The following VIL1 variants were observed in gnomAD, a reference collection of about 807,000 sequenced individuals.
The protein encoded by VIL1 is villin-1.
A neutral mutation model predicts 104.0 loss-of-function variants in VIL1; 86 were observed. That is an observed-to-expected ratio of 0.83 (90% CI 0.69 to 0.99). VIL1 has a LOEUF of 0.99. Among genes scored for constraint, VIL1 ranks in the 50% least tolerant of loss-of-function variants. The pLI is 0.00. For synonymous variants in VIL1, 394 were observed against 412.6 expected, an observed-to-expected ratio of 0.95 and a Z score of 0.55; for missense variants, 944 against 1,054.1, an observed-to-expected ratio of 0.90 and a Z score of 1.45.
intron 12 of VIL1, 55 bp from the exon 13 acceptor site, chr2:218,432,738 G>C: frequency 6.2e-7 from 1 of 1,604,570 alleles, no homozygotes; most frequent in Non-Finnish European, 8.5e-7. Flanking sequence ...GCTGAGGATG[G>C]GGTCAGAATT....
chr2:218,426,968 T>C (rs1348838931), intron 4 of VIL1, among the ~76,000 whole-genome samples: 1 of 152,214 alleles, frequency 6.6e-6, no homozygotes, highest in African/African-American at 2.4e-5. Flanking sequence ...CAGGCTGGTC[T>C]CATACTCCTG....
intron 14 of VIL1, 130 bp from the exon 15 acceptor site, chr2:218,435,159 G>A (rs1265471104): frequency 1.6e-6 from 2 of 1,225,960 alleles, no homozygotes; most frequent in Non-Finnish European, 1.1e-6. Flanking sequence ...AATTGTCCCT[G>A]TGTGGCCTGT....
chr2:218,435,795 G>A (rs1216665047), intron 15 of VIL1, among the ~76,000 whole-genome samples: 1 of 152,174 alleles, frequency 6.6e-6, no homozygotes, highest in Non-Finnish European at 1.5e-5. Context: ...CACAGGCCTG[G>A]GATGCTGAGG....
chr2:218,449,233 C>T lies in VIL1; in HGVS notation c.2381C>T (p.Ser794Phe). Residue 794 changes from serine to phenylalanine, a missense_variant, in exon 20 of 20, where the codon TCC (serine) becomes TTC (phenylalanine). Physicochemically the swap from Ser to Phe is radical, Grantham distance 155. Coordinates refer to ENST00000248444, the MANE Select transcript of VIL1 (RefSeq NM_007127.3). ...VDPSRKEEHL[S>F]IEDFTQAFGM... ...CCTCTCTTCTTCTAGGAACACCTGT[C>T]CATTGAAGATTTCACTCAGGCCTTT... The T allele has an allele frequency of 1.9e-6, 3 of 1,613,252 alleles. No homozygotes were observed. The highest frequency in any genetic ancestry group is 2.5e-6 in the Non-Finnish European group (3 of 1,179,224).
chr2:218,436,610 TAGATGTCTGGGACCAGG>T lies in VIL1; in HGVS notation c.1956_1971+1del. 2 of 1,614,072 alleles carry T rather than the reference TAGATGTCTGGGACCAGG, an allele frequency of 1.2e-6. No homozygotes were observed. The highest frequency in any genetic ancestry group is 1.7e-6 in the Non-Finnish European group (2 of 1,180,014). ...TTGGAAGAGGATGATGTGTTCCTAC[TAGATGTCTGGGACCAGG>T]TAGGACCAAGGGCCTGGGGACCCCT... On this transcript the variant is annotated splice_donor_variant and coding_sequence_variant, in exon 16 of 20. Transcript: ENST00000248444. LOFTEE classifies it high-confidence loss of function.
chr2:218,449,198 C>T (rs775327469), intron 19 of VIL1, 25 bp from the exon 20 acceptor site: 1 of 1,568,932 alleles, frequency 6.4e-7, no homozygotes, highest in Non-Finnish European at 8.8e-7. Context: ...GTGACCTTTG[C>T]CCTCTGGTCC....
chr2:218,441,384 C>T (rs1441217884), intron 19 of VIL1, among the ~76,000 whole-genome samples: 9 of 147,132 alleles, frequency 6.1e-5, no homozygotes. Flanking sequence ...GTGAGACTGT[C>T]TCAAAAAAAG....
At chr2:218,438,292 C>T (rs1237244032) in intron 17 of VIL1, among the ~76,000 whole-genome samples, 1 of 152,212 alleles carries the variant, frequency 6.6e-6, no homozygotes, top group Non-Finnish European at 1.5e-5. Context: ...GGGACCCCCA[C>T]CCATCCCCAG....
rs1688942024 is a variant in VIL1 at position 218,424,325 on chromosome 2, G to A, written c.124G>A (p.Asp42Asn). The part of the protein sequence containing the change: ...VPSSTFGSFF[D>N]GDCYIILAIH... ...TTCCAGCACCTTTGGAAGCTTCTTC[G>A]ATGGTGACTGCTACATCATCCTGGC... Residue 42 changes from aspartate (D) to asparagine (N), a missense_variant, in exon 3 of 20, where the codon GAT becomes AAT. Transcript: ENST00000248444. 5.6e-6 allele frequency: 9 copies of A among 1,613,814 alleles called. No individual in the cohort carries two copies. Among genetic ancestry groups the A allele is most frequent in the South Asian group, 1.1e-5 (1 of 91,078 alleles).
chr2:218,425,790 GC>G lies in VIL1; in HGVS notation c.327del (p.Tyr110ThrfsTer7). 1.2e-6 allele frequency: 2 copies of G among 1,611,114 alleles called. No individual in the cohort carries two copies. ...GGCAACGAGAGCGAGGCCTTCCGAG[GC>G]TACTTCAAGCAAGGCCTTGTGTAGG... ...VQGNESEAFR[G>X]YFKQGLVIRK... On this transcript the variant is annotated frameshift_variant, in exon 4 of 20. Transcript: ENST00000248444. LOFTEE classifies it high-confidence loss of function.
chr2:218,427,392 C>T (rs1252524895), intron 4 of VIL1, among the ~76,000 whole-genome samples: 2 of 150,316 alleles, frequency 1.3e-5, no homozygotes, highest in Non-Finnish European at 3.0e-5. Context: ...GGTGCGATCT[C>T]GGCTCACTGC....
intron 18 of VIL1, 31 bp from the exon 19 acceptor site, chr2:218,440,691 A>C (rs1689271329): frequency 1.2e-6 from 2 of 1,613,248 alleles, no homozygotes; most frequent in African/African-American, 2.7e-5. Context: ...GCACCAGCTA[A>C]AGTAACCAGT....
intron 3 of VIL1, among the ~76,000 whole-genome samples, chr2:218,424,650 A>T: frequency 6.6e-6 from 1 of 150,884 alleles, no homozygotes; most frequent in Middle Eastern, 3.4e-3. Context: ...ATCCATAGTC[A>T]TCTTCTTTTT....
chr2:218,438,610 C>T (rs754617984), intron 17 of VIL1, 48 bp from the exon 18 acceptor site: 2 of 1,550,650 alleles, frequency 1.3e-6, no homozygotes, highest in South Asian at 2.3e-5. Flanking sequence ...TCTCATCCAT[C>T]TCCTCTGCTG....
chr2:218,440,733 C>T lies in VIL1; in HGVS notation c.2241C>T (p.Ser747=), dbSNP rs145874080. The T allele has an allele frequency of 1.1e-4, 174 of 1,613,908 alleles. No individual in the cohort carries two copies. The highest frequency in any genetic ancestry group is 1.5e-4 in the Non-Finnish European group (173 of 1,179,968). ...DWSQITAEVT[S]PKVDVFNANS... ...CTTTTCTTTCCTAGGAGGTCACAAGCCCCAAAGTGGACGTGTTCAATGCTA... is the reference window on the plus strand; with the variant it reads ...CTTTTCTTTCCTAGGAGGTCACAAGTCCCAAAGTGGACGTGTTCAATGCTA... The change falls in exon 19 of 20, where the codon AGC becomes AGT. Residue 747 remains serine (S), a synonymous_variant. Transcript: ENST00000248444.
In VIL1 at chr2:218,451,985, G is replaced by T. The variant is rs768124017; in HGVS notation, c.*2649G>T. On this transcript the variant is annotated 3_prime_UTR_variant, in exon 20 of 20. Transcript: ENST00000248444. ...CACACACATGTGAATATATCCCTAC[G>T]AAACAGTCTATCTTCTCATAGGCTT... 1 of 152,498 alleles carries T rather than the reference G, an allele frequency of 6.6e-6. No homozygotes were observed. Among genetic ancestry groups the T allele is most frequent in the African/African-American group, 2.4e-5 (1 of 41,390 alleles). 9.4% of individuals were successfully genotyped at this position (152,498 alleles called of 1,614,324 possible).
intron 18 of VIL1, among the ~76,000 whole-genome samples, chr2:218,440,460 C>T (rs891390796): frequency 7.9e-5 from 12 of 152,020 alleles, no homozygotes; most frequent in Non-Finnish European, 8.8e-5. Flanking sequence ...AGTAGAGATG[C>T]GGTTTCACCA....
intron 19 of VIL1, among the ~76,000 whole-genome samples, chr2:218,443,335 T>C (rs1178966832): frequency 6.6e-6 from 1 of 151,552 alleles, no homozygotes; most frequent in Non-Finnish European, 1.5e-5. Context: ...GTAGCTAGGA[T>C]TACATCCGCA....
At position 218,449,367 on chromosome 2, in the gene VIL1, C is replaced by T; in HGVS notation, c.*31C>T. ...GTAGCTGTGGTTGTAAAGCAGTACC[C>T]TACCCTGATTGTAGGGTCTCATTTT... is the stretch of plus-strand genomic sequence containing the variant. On this transcript the variant is annotated 3_prime_UTR_variant, in exon 20 of 20. Coordinates refer to ENST00000248444, the MANE Select transcript of VIL1 (RefSeq NM_007127.3). 1 of 1,538,482 alleles carries T rather than the reference C, an allele frequency of 6.5e-7. No individual in the cohort carries two copies. Among genetic ancestry groups the T allele is most frequent in the Non-Finnish European group, 9.0e-7 (1 of 1,111,778 alleles).
Sources: gnomAD v4.1 joint callset for allele counts (sites outside exome capture counted in the v4.1 genomes callset) on GRCh38, gnomAD v4.1.1 for gene constraint, MANE v1.5 for transcripts, NCBI Gene and HGNC (gene_info 2026-07-23, HGNC 2026-07-21) for gene names.